The following NCALD variants were observed in gnomAD, a reference collection of about 807,000 sequenced individuals.
The protein encoded by NCALD is neurocalcin-delta.
In NCALD, 10 loss-of-function variants were observed where a neutral mutation model predicts 18.6. The observed-to-expected ratio is 0.54, with a 90% confidence interval of 0.33 to 0.91. The LOEUF (loss-of-function observed/expected upper bound fraction) is 0.91. Ranked by LOEUF, NCALD falls within the 40% of genes least tolerant of loss-of-function variation. The probability of loss-of-function intolerance (pLI) is 0.03; values close to 1 mark genes in which losing one functional copy is unlikely to be tolerated. For synonymous variants in NCALD, 88 were observed against 87.4 expected, an observed-to-expected ratio of 1.01 and a Z score of -0.04; for missense variants, 184 against 247.6, an observed-to-expected ratio of 0.74 and a Z score of 1.72.
intron 3 of NCALD, among the ~76,000 whole-genome samples, chr8:101,911,518 C>T (rs1485029594): frequency 1.3e-5 from 2 of 151,678 alleles, no homozygotes; most frequent in Non-Finnish European, 1.5e-5. Context: ...CCACCATGCC[C>T]GGCGAATTTT....
chr8:101,764,073 C>A (rs1811243105), intron 1 of NCALD, among the ~76,000 whole-genome samples: 1 of 151,058 alleles, frequency 6.6e-6, no homozygotes. Context: ...TTGGGATGCC[C>A]ATTAGATATT....
intron 3 of NCALD, chr8:101,690,560 G>A (rs1814680926): frequency 1.0e-6 from 1 of 985,170 alleles, no homozygotes; most frequent in Admixed American, 6.2e-5. Flanking sequence ...CTCCAAACCT[G>A]ACAGGAGGGG....
chr8:101,782,099 A>G (rs1163953766), intron 1 of NCALD, among the ~76,000 whole-genome samples: 1 of 148,056 alleles, frequency 6.8e-6, no homozygotes, highest in African/African-American at 2.4e-5. Flanking sequence ...ATATATAAAT[A>G]TACATATAAT....
At chr8:102,012,731 C>A (rs1404709745) in intron 2 of NCALD, among the ~76,000 whole-genome samples, 1 of 152,142 alleles carries the variant, frequency 6.6e-6, no homozygotes, top group Non-Finnish European at 1.5e-5. Context: ...CCTGAGTCAC[C>A]CTTCCTCTTT....
intron 4 of NCALD, among the ~76,000 whole-genome samples, chr8:101,804,012 A>G (rs956170759): frequency 2.0e-5 from 3 of 152,068 alleles, no homozygotes; most frequent in African/African-American, 7.2e-5. Flanking sequence ...AAATAGCCAT[A>G]GCCACCCCAA....
intron 3 of NCALD, among the ~76,000 whole-genome samples, chr8:101,907,403 C>T (rs926614605): frequency 6.6e-6 from 1 of 151,806 alleles, no homozygotes; most frequent in African/African-American, 2.4e-5. Context: ...CTCTCTAGAG[C>T]CACTTCTTAA....
chr8:102,121,412 G>A (rs1161507241), intron 1 of NCALD, among the ~76,000 whole-genome samples: 1 of 152,092 alleles, frequency 6.6e-6, no homozygotes. Flanking sequence ...GCCTGAGTCA[G>A]AAAAGTACCC....
intron 2 of NCALD, among the ~76,000 whole-genome samples, chr8:102,015,233 C>G (rs1336419228): frequency 6.6e-6 from 1 of 151,820 alleles, no homozygotes; most frequent in Non-Finnish European, 1.5e-5. Context: ...TTCTCATCAC[C>G]CTATCTTGAA....
At chr8:102,056,942 TACA>T (rs1386270251) in intron 1 of NCALD, among the ~76,000 whole-genome samples, 1 of 152,236 alleles carries the variant, frequency 6.6e-6, no homozygotes, top group Non-Finnish European at 1.5e-5. Context: ...ATGTTAGAGA[TACA>T]ACCTCTGCAT....
At chr8:102,055,246 G>T (rs1245691421) in intron 1 of NCALD, among the ~76,000 whole-genome samples, 1 of 136,016 alleles carries the variant, frequency 7.4e-6, no homozygotes, top group East Asian at 2.2e-4. Context: ...TCACATTCAT[G>T]ATATGAAAAA....
At chr8:102,091,825 C>T (rs192544879) in intron 1 of NCALD, among the ~76,000 whole-genome samples, 7 of 152,276 alleles carry the variant, frequency 4.6e-5, no homozygotes, top group African/African-American at 1.4e-4. Flanking sequence ...ACACAAGAGA[C>T]CCTAATAGTT....
chr8:101,969,060 T>C (rs981808274), intron 2 of NCALD, among the ~76,000 whole-genome samples: 4 of 152,140 alleles, frequency 2.6e-5, no homozygotes, highest in Non-Finnish European at 4.4e-5. Flanking sequence ...ATCTTGGAAT[T>C]TGGCAACACA....
intron 3 of NCALD, among the ~76,000 whole-genome samples, chr8:101,891,394 C>T (rs2131509048): frequency 6.6e-6 from 1 of 152,298 alleles, no homozygotes; most frequent in East Asian, 1.9e-4. Context: ...ATTTTTCACT[C>T]AGCATAATGT....
At chr8:102,000,868 C>T (rs1821429841) in intron 2 of NCALD, among the ~76,000 whole-genome samples, 1 of 152,196 alleles carries the variant, frequency 6.6e-6, no homozygotes, top group Non-Finnish European at 1.5e-5. Context: ...CACCAAAACC[C>T]CATCTGTACG....
chr8:101,809,800 C>T (rs568879903), intron 4 of NCALD, among the ~76,000 whole-genome samples: 10 of 152,188 alleles, frequency 6.6e-5, no homozygotes, highest in Admixed American at 3.3e-4. Flanking sequence ...CTGCCTCAGC[C>T]TCCCAAAGTG....
intron 4 of NCALD, among the ~76,000 whole-genome samples, chr8:101,863,096 C>T (rs1263443729): frequency 2.0e-5 from 3 of 152,180 alleles, no homozygotes; most frequent in Admixed American, 1.3e-4. Flanking sequence ...GACCCCAGAG[C>T]CTGTTTCTCC....
intron 2 of NCALD, among the ~76,000 whole-genome samples, chr8:101,695,156 T>C (rs1814932321): frequency 1.3e-5 from 2 of 152,292 alleles, no homozygotes; most frequent in South Asian, 2.1e-4. Flanking sequence ...CATTTAGAAA[T>C]TGGCATCCCT....
intron 1 of NCALD, among the ~76,000 whole-genome samples, chr8:102,023,330 G>A (rs1197334923): frequency 8.7e-6 from 1 of 115,216 alleles, no homozygotes; most frequent in Non-Finnish European, 1.8e-5. Context: ...TCTTAGAATA[G>A]AGAGGAATCA....
At chr8:101,773,434 ATTGTAT>A (rs1811666873) in intron 1 of NCALD, among the ~76,000 whole-genome samples, 1 of 152,188 alleles carries the variant, frequency 6.6e-6, no homozygotes, top group African/African-American at 2.4e-5. Flanking sequence ...AGCCAGGCTA[ATTGTAT>A]AAGTTTCCAG....
Sources: allele counts gnomAD v4.1 joint callset (sites outside exome capture counted in the v4.1 genomes callset), GRCh38; gene constraint gnomAD v4.1.1; transcripts MANE v1.5; gene names NCBI Gene and HGNC (gene_info 2026-07-23, HGNC 2026-07-21).